DNAJC13: variants seen among roughly 807,000 people sequenced by gnomAD.
DNAJC13 encodes the protein dnaJ homolog subfamily C member 13.
A neutral mutation model predicts 290.5 loss-of-function variants in DNAJC13; 75 were observed. That is an observed-to-expected ratio of 0.26 (90% CI 0.21 to 0.31). The LOEUF is 0.31. DNAJC13 is among the 10% of genes least tolerant of loss of function. The pLI, the probability that DNAJC13 is intolerant of heterozygous loss-of-function variation, is 1.00. For missense variants in DNAJC13, 2,260 were observed against 2,674.5 expected (o/e 0.85, Z 3.42); for synonymous variants, 862 against 892.0 (o/e 0.97, Z 0.60).
chr3:132,484,982 G>A (rs1014059546), intron 29 of DNAJC13, among the ~76,000 whole-genome samples: 6 of 152,132 alleles, frequency 3.9e-5, no homozygotes, highest in African/African-American at 1.4e-4. Flanking sequence ...CCCTTGGGAG[G>A]CTGAGGTGGG....
At position 132,466,353 on chromosome 3, in the gene DNAJC13, G is replaced by T. The variant is rs1377191372; in HGVS notation, c.2023G>T (p.Ala675Ser). 6.2e-7 allele frequency: 1 copy of T among 1,603,238 alleles called. No individual in the cohort carries two copies. The highest frequency in any genetic ancestry group is 1.1e-5 in the South Asian group (1 of 88,390). Residue 675 changes from alanine to serine, a missense_variant, in exon 19 of 56, where the codon GCT becomes TCT. Ala to Ser is a moderately conservative substitution (Grantham distance 99). Around this residue, in one of 3 missense-constraint regions of DNAJC13, gnomAD observed 762 missense variants for 964.1 expected, o/e 0.79. Coordinates refer to ENST00000260818, the MANE Select transcript of DNAJC13 (RefSeq NM_015268.4). The part of the protein sequence containing the change: ...ESSDLVPEKD[A>S]DRMHVRDNVK... ...CTCAGATCTCGTACCTGAGAAGGATGCTGATCGGATGCATGTTAGAGACAA... is the reference window on the plus strand; with the variant it reads ...CTCAGATCTCGTACCTGAGAAGGATTCTGATCGGATGCATGTTAGAGACAA...
intron 28 of DNAJC13, 81 bp downstream of exon 28, chr3:132,483,658 C>CA (rs1934755877): frequency 7.4e-7 from 1 of 1,358,670 alleles, no homozygotes; most frequent in African/African-American, 1.4e-5. Flanking sequence ...TGTTTTAAAA[C>CA]AAAGATGTCC....
intron 39 of DNAJC13, 120 bp from the exon 40 acceptor site, chr3:132,502,169 T>C (rs1935435640): frequency 1.3e-6 from 1 of 799,320 alleles, no homozygotes; most frequent in South Asian, 2.4e-5. Context: ...TAAGAAGAGG[T>C]AAACATTTTA....
intron 1 of DNAJC13, among the ~76,000 whole-genome samples, chr3:132,427,133 AT>A (rs35154589): frequency 7.4e-4 from 91 of 122,166 alleles, no homozygotes; most frequent in East Asian, 1.0e-3. Context: ...ATATATATAT[AT>A]TTTTTTTTTT....
chr3:132,478,147 A>G lies in DNAJC13; in HGVS notation c.2709+7A>G, dbSNP rs749087587. Reference sequence around the variant, plus strand: ...CATTGGAATGTTAGAGAGGGTAAGGATATCATTTAAGGAAATTACTATTTG... The same window carrying G: ...CATTGGAATGTTAGAGAGGGTAAGGGTATCATTTAAGGAAATTACTATTTG... On this transcript the variant is annotated splice_region_variant and intron_variant, in intron 24 of 55. Coordinates refer to ENST00000260818, the MANE Select transcript of DNAJC13 (RefSeq NM_015268.4). 4 of 1,591,862 alleles carry G rather than the reference A, an allele frequency of 2.5e-6. No homozygotes were observed. Among genetic ancestry groups the G allele is most frequent in the Non-Finnish European group, 3.4e-6 (4 of 1,173,032 alleles).
intron 35 of DNAJC13, 116 bp downstream of exon 35, chr3:132,495,282 G>A (rs1368857089): frequency 6.9e-6 from 5 of 728,014 alleles, no homozygotes; most frequent in African/African-American, 3.6e-5. Context: ...TATACTCAGT[G>A]TATGTTTAAT....
At chr3:132,513,179 T>G (rs1935830190) in intron 45 of DNAJC13, 80 bp downstream of exon 45, 1 of 1,190,802 alleles carries the variant, frequency 8.4e-7, no homozygotes, top group African/African-American at 1.5e-5. Context: ...AGTCATTGTC[T>G]GAAGTTGAAG....
chr3:132,423,862 G>A (rs994225841), intron 1 of DNAJC13, among the ~76,000 whole-genome samples: 5 of 152,178 alleles, frequency 3.3e-5, no homozygotes, highest in Non-Finnish European at 7.3e-5. Context: ...TGCATTTACT[G>A]TAATGATAGG....
In DNAJC13 at chr3:132,516,718, T is replaced by G. The variant is rs61731473; in HGVS notation, c.5575T>G (p.Leu1859Val). The change falls in exon 48 of 56, where the codon TTA (leucine) becomes GTA (valine). Residue 1859 changes from leucine to valine, a missense_variant. Leu to Val is a conservative substitution (Grantham distance 32). Transcript: ENST00000260818. ...TTCCTTCATAGGTGCTTTGATCTAT[T>G]TACTGGATATGTTCTGCAATTCAAC... is the stretch of plus-strand genomic sequence containing the variant. ...EAMAKGALIYLLDMFCNSTHP... is the reference protein window; with the variant it reads ...EAMAKGALIYVLDMFCNSTHP... 1.2e-6 allele frequency: 2 copies of G among 1,612,444 alleles called. No individual in the cohort carries two copies. Among genetic ancestry groups the G allele is most frequent in the East Asian group, 2.2e-5 (1 of 44,842 alleles).
chr3:132,459,060 A>G (rs1933709010), intron 13 of DNAJC13, among the ~76,000 whole-genome samples: 1 of 152,058 alleles, frequency 6.6e-6, no homozygotes, highest in African/African-American at 2.4e-5. Context: ...TGAATTTTTC[A>G]TATATTATTC....
intron 20 of DNAJC13, among the ~76,000 whole-genome samples, chr3:132,469,466 T>A (rs1475385544): frequency 1.3e-5 from 2 of 152,236 alleles, no homozygotes; most frequent in Non-Finnish European, 2.9e-5. Context: ...GTTTAGCTAG[T>A]TAGAGCTGTT....
chr3:132,520,730 G>C (rs920576755), intron 48 of DNAJC13, among the ~76,000 whole-genome samples: 3 of 152,130 alleles, frequency 2.0e-5, no homozygotes, highest in Admixed American at 6.5e-5. Context: ...TACAATTAAA[G>C]TTTGCTTTCA....
chr3:132,428,593 A>G (rs1298825944), intron 1 of DNAJC13, among the ~76,000 whole-genome samples: 4 of 151,958 alleles, frequency 2.6e-5, no homozygotes, highest in African/African-American at 9.7e-5. Context: ...TACAGGCATG[A>G]GACATGGTGC....
intron 55 of DNAJC13, among the ~76,000 whole-genome samples, chr3:132,536,835 G>T (rs1323499772): frequency 1.3e-5 from 2 of 152,094 alleles, no homozygotes; most frequent in African/African-American, 4.8e-5. Context: ...ATAGATGCAG[G>T]CTCCCACAGT....
intron 29 of DNAJC13, among the ~76,000 whole-genome samples, chr3:132,484,978 G>C (rs895661096): frequency 5.3e-5 from 8 of 152,076 alleles, no homozygotes; most frequent in Non-Finnish European, 1.0e-4. Context: ...CTGCCCCTTG[G>C]GAGGCTGAGG....
chr3:132,483,685 GGAATGCTGT>G, intron 28 of DNAJC13, 108 bp downstream of exon 28: 2 of 1,128,406 alleles, frequency 1.8e-6, no homozygotes, highest in African/African-American at 1.5e-5. Flanking sequence ...TGGCCTTGGA[GGAATGCTGT>G]TTTGACCTTT....
intron 33 of DNAJC13, among the ~76,000 whole-genome samples, chr3:132,493,696 A>G (rs796663866): frequency 9.9e-5 from 15 of 152,090 alleles, no homozygotes; most frequent in African/African-American, 3.1e-4. Context: ...ACCCATAATT[A>G]TGTTAGATCA....
intron 40 of DNAJC13, 122 bp downstream of exon 40, chr3:132,502,590 G>GT (rs1935454405): frequency 1.1e-6 from 1 of 937,508 alleles, no homozygotes; most frequent in Non-Finnish European, 1.5e-6. Flanking sequence ...GGAAAATTAG[G>GT]TTTTTTGCTT....
intron 26 of DNAJC13, among the ~76,000 whole-genome samples, chr3:132,481,913 C>T (rs532445664): frequency 3.3e-5 from 5 of 152,272 alleles, no homozygotes; most frequent in Admixed American, 1.3e-4. Context: ...CTACTAAAAT[C>T]TTAGTGTCCT....
Sources: gnomAD v4.1 joint callset for allele counts (sites outside exome capture counted in the v4.1 genomes callset) on GRCh38, gnomAD v4.1.1 for gene constraint, gnomAD v4.1.1 regional missense constraint, MANE v1.5 for transcripts, NCBI Gene and HGNC (gene_info 2026-07-23, HGNC 2026-07-21) for gene names.